CSTA: variants seen among roughly 807,000 people sequenced by gnomAD.
CSTA encodes the protein cystatin A, also known as cystatin-A.
In CSTA, 9 loss-of-function variants were observed where a neutral mutation model predicts 9.2. The ratio of observed to expected loss-of-function variants is 0.97; its 90% CI spans 0.59 to 1.70. The LOEUF is 1.70. CSTA is among the 40% of genes most tolerant of loss of function. CSTA has a pLI of 0.00. For synonymous variants in CSTA, 36 were observed against 40.6 expected (o/e 0.89, Z 0.43); for missense variants, 118 against 113.1 (o/e 1.04, Z -0.20).
At chr3:122,326,060 C>T (rs898272009) in intron 1 of CSTA, among the ~76,000 whole-genome samples, 2 of 151,946 alleles carry the variant, frequency 1.3e-5, no homozygotes, top group Non-Finnish European at 2.9e-5. Flanking sequence ...ACTCTGTCAC[C>T]CAGGCTGGAG....
At chr3:122,330,362 G>A (rs1180383463) in intron 1 of CSTA, among the ~76,000 whole-genome samples, 5 of 152,180 alleles carry the variant, frequency 3.3e-5, no homozygotes, top group Non-Finnish European at 5.9e-5. Flanking sequence ...AACCCCATTA[G>A]AAGGAGAGAA....
chr3:122,336,810 C>T (rs571170347), intron 1 of CSTA, among the ~76,000 whole-genome samples: 3 of 152,304 alleles, frequency 2.0e-5, no homozygotes, highest in East Asian at 1.9e-4. Flanking sequence ...CACAACATCA[C>T]GTTTGTGCTA....
chr3:122,341,787 T>A lies in CSTA; in HGVS notation c.*220T>A, dbSNP rs1018506034. The A allele has an allele frequency of 1.8e-6, 1 of 563,482 alleles. No homozygotes were observed. Among genetic ancestry groups the A allele is most frequent in the Non-Finnish European group, 3.0e-6 (1 of 330,556 alleles). 34.9% of individuals were successfully genotyped at this position (563,482 alleles called of 1,614,324 possible). A position where few individuals can be genotyped will look rare whatever the true frequency, so the allele number is the denominator to read the frequency against. On this transcript the variant is annotated 3_prime_UTR_variant, in exon 3 of 3. Transcript: ENST00000264474. ...CATATAAATTGATGGCAATTGGAAA[T>A]CTTATAAAAACTAGTCAAGCCTAAT...
In CSTA at chr3:122,335,987, ACACACACACG is replaced by A. The variant is rs1307581389; in HGVS notation, c.67-1559_67-1550del. 2.3e-5 allele frequency among the ~76,000 whole-genome samples: 3 copies of A among 133,124 alleles called. No homozygotes were observed. In the Admixed American group the frequency reaches 2.4e-4, roughly 11 times the overall value. The allele number at this position is 133,124 out of a possible 152,430, so 87.3% of individuals were successfully genotyped here. On this transcript the variant is annotated intron_variant, in intron 1 of 2. Transcript: ENST00000264474. The stretch of plus-strand genomic sequence containing the variant: ...CACACACACACACACACACACACAC[ACACACACACG>A]TACACACACATATATAATGTATATA...
At chr3:122,340,739 C>A (rs2075261282) in intron 2 of CSTA, among the ~76,000 whole-genome samples, 1 of 152,204 alleles carries the variant, frequency 6.6e-6, no homozygotes, top group Non-Finnish European at 1.5e-5. Context: ...TTCTGATTTT[C>A]TTCTCCCTTA....
chr3:122,341,426 T>C lies in CSTA; in HGVS notation c.169-13T>C, dbSNP rs772289123. ...AATCTCCTTTTGCTTTCTCTTTCTT[T>C]AATATTTTTCAGGTACGAGCAGGTG... On this transcript the variant is annotated splice_polypyrimidine_tract_variant and intron_variant, in intron 2 of 2. Transcript: ENST00000264474. 8 of 1,613,528 alleles carry C rather than the reference T, an allele frequency of 5.0e-6. No homozygotes were observed. Among genetic ancestry groups the C allele is most frequent in the Non-Finnish European group, 6.8e-6 (8 of 1,179,646 alleles).
chr3:122,333,740 G>GA (rs2075221317), intron 1 of CSTA, among the ~76,000 whole-genome samples: 3 of 150,302 alleles, frequency 2.0e-5, no homozygotes, highest in South Asian at 2.1e-4. Context: ...GAAAGAGAAA[G>GA]AAAGAAAAGA....
chr3:122,339,471 G>C (rs2075253405), intron 2 of CSTA, among the ~76,000 whole-genome samples: 1 of 152,166 alleles, frequency 6.6e-6, no homozygotes, highest in African/African-American at 2.4e-5. Flanking sequence ...ACAACTACAA[G>C]AGCAGAGTCA....
At chr3:122,327,058 T>C (rs953700708) in intron 1 of CSTA, among the ~76,000 whole-genome samples, 2 of 151,476 alleles carry the variant, frequency 1.3e-5, no homozygotes, top group African/African-American at 4.9e-5. Flanking sequence ...GCCAACATGG[T>C]GAAACCCCAT....
chr3:122,338,032 G>T, intron 2 of CSTA: 1 of 173,958 alleles, frequency 5.7e-6, no homozygotes, highest in Non-Finnish European at 1.2e-5. Context: ...AAAGCTGTAT[G>T]ATTCTCTATG....
At chr3:122,336,605 G>C (rs1029734787) in intron 1 of CSTA, among the ~76,000 whole-genome samples, 1 of 152,146 alleles carries the variant, frequency 6.6e-6, no homozygotes, top group African/African-American at 2.4e-5. Flanking sequence ...CATTGTTGTA[G>C]GCAAGAACCA....
At chr3:122,334,003 T>C (rs1309975983) in intron 1 of CSTA, among the ~76,000 whole-genome samples, 1 of 152,258 alleles carries the variant, frequency 6.6e-6, no homozygotes, top group Non-Finnish European at 1.5e-5. Context: ...ACTTGACTGG[T>C]GCCAAGTACT....
Position 122,337,646 on chromosome 3 carries a change from A to C in CSTA, c.166A>C (p.Lys56Gln). Residue 56 changes from lysine (K) to glutamine (Q), a missense_variant and splice_region_variant, in exon 2 of 3, where the codon AAG (lysine) becomes CAG (glutamine). Coordinates refer to ENST00000264474, the MANE Select transcript of CSTA (RefSeq NM_005213.4). The stretch of plus-strand genomic sequence containing the variant: ...TGTTGCTGGAACAAATTACTACATT[A>C]AGGTTAGAGTTCAGCACCTACTTTA... ...QVVAGTNYYIKVRAGDNKYMH... is the reference protein window; with the variant it reads ...QVVAGTNYYIQVRAGDNKYMH... The C allele has an allele frequency of 6.3e-7, 1 of 1,592,050 alleles. No individual in the cohort carries two copies. Among genetic ancestry groups the C allele is most frequent in the South Asian group, 1.1e-5 (1 of 90,674 alleles).
intron 2 of CSTA, among the ~76,000 whole-genome samples, chr3:122,339,002 C>G (rs142162591): frequency 6.6e-6 from 1 of 152,048 alleles, no homozygotes; most frequent in South Asian, 2.1e-4. Flanking sequence ...TCTCAGCCAC[C>G]GATCCCAGTT....
Position 122,341,505 on chromosome 3 carries a change from G to A in CSTA, c.235G>A (p.Asp79Asn). The change falls in exon 3 of 3, where the codon GAC (aspartate) becomes AAC (asparagine). Residue 79 changes from aspartate to asparagine, a missense_variant. Transcript: ENST00000264474. ...VFKSLPGQNEDLVLTGYQVDK... is the reference protein window; with the variant it reads ...VFKSLPGQNENLVLTGYQVDK... ...CAAAAGTCTTCCCGGACAAAATGAG[G>A]ACTTGGTACTTACTGGATACCAGGT... 1 of 1,614,048 alleles carries A rather than the reference G, an allele frequency of 6.2e-7. No homozygotes were observed. Among genetic ancestry groups the A allele is most frequent in the Non-Finnish European group, 8.5e-7 (1 of 1,179,980 alleles).
At chr3:122,340,227 T>C (rs2107669091) in intron 2 of CSTA, among the ~76,000 whole-genome samples, 1 of 152,244 alleles carries the variant, frequency 6.6e-6, no homozygotes, top group Non-Finnish European at 1.5e-5. Context: ...ATTTTCCAGG[T>C]CTCAGATTCA....
chr3:122,339,763 G>A (rs1241993095), intron 2 of CSTA, among the ~76,000 whole-genome samples: 2 of 152,182 alleles, frequency 1.3e-5, no homozygotes, highest in African/African-American at 4.8e-5. Context: ...GCTGAGGTAG[G>A]AGGATCACTT....
intron 2 of CSTA, 100 bp from the exon 3 acceptor site, chr3:122,341,339 T>C (rs1019459955): frequency 2.3e-6 from 3 of 1,318,852 alleles, no homozygotes; most frequent in Non-Finnish European, 3.3e-6. Context: ...CCTCAGCAGC[T>C]TTTTGGACAG....
chr3:122,333,003 G>A (rs955498130), intron 1 of CSTA, among the ~76,000 whole-genome samples: 2 of 152,144 alleles, frequency 1.3e-5, no homozygotes, highest in African/African-American at 4.8e-5. Flanking sequence ...ATTAAACCAT[G>A]CAAATCTATT....
Sources: gnomAD v4.1 joint callset for allele counts (sites outside exome capture counted in the v4.1 genomes callset) on GRCh38, gnomAD v4.1.1 for gene constraint, MANE v1.5 for transcripts, NCBI Gene and HGNC (gene_info 2026-07-23, HGNC 2026-07-21) for gene names.